CAMTA1: variants seen among roughly 807,000 people sequenced by gnomAD.
The protein encoded by CAMTA1 is calmodulin-binding transcription activator 1.
Under a neutral mutation model 170.9 loss-of-function variants are expected in CAMTA1, and 27 were observed. The ratio of observed to expected loss-of-function variants is 0.16; its 90% CI spans 0.12 to 0.22. CAMTA1 has a LOEUF of 0.22. Among genes scored for constraint, CAMTA1 ranks in the 10% least tolerant of loss-of-function variants. The pLI is 1.00. For missense variants in CAMTA1, 1,619 were observed against 2,217.2 expected (o/e 0.73, Z 5.42); for synonymous variants, 833 against 891.5 (o/e 0.93, Z 1.17).
At chr1:6,861,933 A>G (rs1369541666) in intron 3 of CAMTA1, among the ~76,000 whole-genome samples, 1 of 149,932 alleles carries the variant, frequency 6.7e-6, no homozygotes, top group Admixed American at 6.6e-5. Flanking sequence ...TATTCTAAGT[A>G]CCTCATAAAG....
At chr1:7,707,882 T>G (rs1374128419) in intron 11 of CAMTA1, among the ~76,000 whole-genome samples, 1 of 152,200 alleles carries the variant, frequency 6.6e-6, no homozygotes, top group Non-Finnish European at 1.5e-5. Flanking sequence ...AATGACCATC[T>G]TTTCTTTGCT....
At chr1:7,607,334 G>A (rs1276451696) in intron 6 of CAMTA1, among the ~76,000 whole-genome samples, 1 of 151,716 alleles carries the variant, frequency 6.6e-6, no homozygotes, top group Non-Finnish European at 1.5e-5. Context: ...ATGGATGGAT[G>A]GGTCAATGGA....
In CAMTA1 at chr1:6,934,827, C is replaced by A. The variant is rs190105450; in HGVS notation, c.234+109617C>A. ...GATGTGCCATTTCTTTGGGCTTTTC[C>A]GAGGACTGCTCACTTGAGGCTTCCC... On this transcript the variant is annotated intron_variant, in intron 3 of 22. Coordinates refer to ENST00000303635, the MANE Select transcript of CAMTA1 (RefSeq NM_015215.4). This position sits in a 1 kb window ranked among gnomAD's most constrained non-coding sequence, Gnocchi z 4.5. Among the ~76,000 whole-genome samples, 1 of 152,120 alleles carries A rather than the reference C, an allele frequency of 6.6e-6. No homozygotes were observed. The highest frequency in any genetic ancestry group is 1.5e-5 in the Non-Finnish European group (1 of 68,028).
intron 5 of CAMTA1, among the ~76,000 whole-genome samples, chr1:7,262,419 G>A (rs1352500098): frequency 3.9e-5 from 6 of 152,104 alleles, no homozygotes; most frequent in South Asian, 2.1e-4. Context: ...AAAATTAGCC[G>A]GGCGTGGTGG....
Position 7,751,477 on chromosome 1 carries a change from T to G in CAMTA1, c.4883+85T>G, listed in dbSNP as rs560104895. On this transcript the variant is annotated intron_variant, in intron 20 of 22. Coordinates refer to ENST00000303635, the MANE Select transcript of CAMTA1 (RefSeq NM_015215.4). ...TGAAAGACTTGTCCTGGGCTGACAT[T>G]GGAGTCTGGGGTGGGCCTAAAGCAT... 5.5e-6 allele frequency: 7 copies of G among 1,269,738 alleles called. No homozygotes were observed. In the East Asian group the frequency reaches 1.5e-4, roughly 26 times the overall value. 78.7% of individuals were successfully genotyped at this position (1,269,738 alleles called of 1,614,324 possible). A position where few individuals can be genotyped will look rare whatever the true frequency, so the allele number is the denominator to read the frequency against.
intron 11 of CAMTA1, among the ~76,000 whole-genome samples, chr1:7,696,823 C>G (rs2096382125): frequency 6.6e-6 from 1 of 152,150 alleles, no homozygotes; most frequent in Admixed American, 6.5e-5. Flanking sequence ...CCCATACACT[C>G]TGCACGGGAG....
intron 6 of CAMTA1, among the ~76,000 whole-genome samples, chr1:7,574,536 C>T (rs1012424680): frequency 5.3e-5 from 8 of 152,204 alleles, no homozygotes; most frequent in African/African-American, 1.4e-4. Context: ...GCTCTGCTAA[C>T]GCTCACTGGG....
chr1:7,507,179 TCA>T (rs2094131347), intron 6 of CAMTA1, among the ~76,000 whole-genome samples: 1 of 150,978 alleles, frequency 6.6e-6, no homozygotes, highest in South Asian at 2.1e-4. Flanking sequence ...ACGCTCACAC[TCA>T]CATACATAAC....
intron 22 of CAMTA1, among the ~76,000 whole-genome samples, chr1:7,761,155 T>A (rs1030551721): frequency 6.6e-6 from 1 of 152,212 alleles, no homozygotes; most frequent in African/African-American, 2.4e-5. Flanking sequence ...CAGCCTAGAA[T>A]GCTTGGGGAA....
At chr1:7,051,015 G>A (rs1706262097) in intron 3 of CAMTA1, among the ~76,000 whole-genome samples, 2 of 152,300 alleles carry the variant, frequency 1.3e-5, no homozygotes, top group East Asian at 1.9e-4. Flanking sequence ...CATGTGGAAC[G>A]AGGCCCTGGC....
At chr1:6,983,009 T>C (rs1326423407) in intron 3 of CAMTA1, among the ~76,000 whole-genome samples, 2 of 152,152 alleles carry the variant, frequency 1.3e-5, no homozygotes, top group African/African-American at 4.8e-5. Flanking sequence ...GCGGGGAGCC[T>C]CTGAGGCTGA....
rs940467690 is a variant in CAMTA1, at chr1:7,216,550, G to A, written c.303-32941G>A. On this transcript the variant is annotated intron_variant, in intron 4 of 22. Transcript: ENST00000303635. The surrounding 1 kb of genome is among the most constrained non-coding windows in gnomAD (Gnocchi z 4.0). ...TCTTTCGTTCTTTCACAGAACTGTCGCCCAGGCTGCAGTGCAGTGTTGAGT... is the reference window on the plus strand; with the variant it reads ...TCTTTCGTTCTTTCACAGAACTGTCACCCAGGCTGCAGTGCAGTGTTGAGT... Among the ~76,000 whole-genome samples the A allele has an allele frequency of 4.6e-5, 7 of 151,230 alleles. No homozygotes were observed. Among genetic ancestry groups the A allele is most frequent in the East Asian group, 1.9e-4 (1 of 5,166 alleles).
At chr1:7,048,238 C>G (rs894722336) in intron 3 of CAMTA1, among the ~76,000 whole-genome samples, 3 of 151,970 alleles carry the variant, frequency 2.0e-5, no homozygotes, top group Non-Finnish European at 2.9e-5. Flanking sequence ...GCTTTAGGAA[C>G]AGAACCTATT....
chr1:7,574,976 C>T (rs573518207), intron 6 of CAMTA1, among the ~76,000 whole-genome samples: 1 of 152,350 alleles, frequency 6.6e-6, no homozygotes, highest in South Asian at 2.1e-4. Flanking sequence ...GTGGCAGCCG[C>T]ATGTTGAGCT....
chr1:7,367,571 G>A (rs1013137371), intron 5 of CAMTA1, among the ~76,000 whole-genome samples: 2 of 152,234 alleles, frequency 1.3e-5, no homozygotes, highest in Non-Finnish European at 2.9e-5. Flanking sequence ...GAGAAACACT[G>A]GGAGAGCTGA....
intron 21 of CAMTA1, 129 bp from the exon 22 acceptor site, chr1:7,755,507 ACT>A: frequency 1.3e-6 from 1 of 742,306 alleles, no homozygotes; most frequent in Non-Finnish European, 2.4e-6. Flanking sequence ...CCCCACCATC[ACT>A]CTCCTTTTCT....
rs990235921 is a variant in CAMTA1, at chr1:7,435,622, G to T, written c.439-32208G>T. ...TTGGGGAAAGTCCCCCAGCTTTGGC[G>T]GAATCAGCGCCTCAGAAAGAACCAG... is the stretch of plus-strand genomic sequence containing the variant. On this transcript the variant is annotated intron_variant, in intron 5 of 22. Transcript: ENST00000303635. This position sits in a 1 kb window ranked among gnomAD's most constrained non-coding sequence, Gnocchi z 4.4. Among the ~76,000 whole-genome samples the T allele has an allele frequency of 1.1e-4, 17 of 152,188 alleles. No individual in the cohort carries two copies. Among genetic ancestry groups the T allele is most frequent in the African/African-American group, 4.1e-4 (17 of 41,456 alleles).
chr1:7,506,372 G>A (rs894977255), intron 6 of CAMTA1, among the ~76,000 whole-genome samples: 3 of 152,134 alleles, frequency 2.0e-5, no homozygotes, highest in Non-Finnish European at 4.4e-5. Context: ...GGAGGTTTGG[G>A]CTTCCTCAAC....
intron 3 of CAMTA1, among the ~76,000 whole-genome samples, chr1:6,863,319 C>T (rs1665436395): frequency 6.6e-6 from 1 of 152,174 alleles, no homozygotes. Context: ...CCACCATCTC[C>T]CCATTCCCTC....
Sources: allele counts gnomAD v4.1 joint callset (sites outside exome capture counted in the v4.1 genomes callset), GRCh38; gene constraint gnomAD v4.1.1; non-coding constraint Gnocchi (gnomAD v3.1); transcripts MANE v1.5; gene names NCBI Gene and HGNC (gene_info 2026-07-23, HGNC 2026-07-21).